TRPM3: variants seen among roughly 807,000 people sequenced by gnomAD.
The protein encoded by TRPM3 is transient receptor potential cation channel subfamily M member 3.
TRPM3 carries 77 observed loss-of-function variants against 181.2 expected under a neutral mutation model. The observed-to-expected ratio is 0.42, with a 90% CI of 0.35 to 0.51. TRPM3 has a LOEUF of 0.51. Ranked by LOEUF, TRPM3 falls within the 20% of genes least tolerant of loss-of-function variation. The pLI is 0.01. For missense variants in TRPM3, 1,759 were observed against 2,196.7 expected, an observed-to-expected ratio of 0.80 and a Z score of 3.98; for synonymous variants, 745 against 796.4, an observed-to-expected ratio of 0.94 and a Z score of 1.09.
At chr9:70,904,219 T>C (rs1313131907) in intron 1 of TRPM3, among the ~76,000 whole-genome samples, 1 of 152,002 alleles carries the variant, frequency 6.6e-6, no homozygotes, top group African/African-American at 2.4e-5. Context: ...TGAGACCCTG[T>C]CTCAAAAAAT....
intron 8 of TRPM3, among the ~76,000 whole-genome samples, chr9:70,759,638 G>GA (rs2077718100): frequency 6.6e-6 from 1 of 152,142 alleles, no homozygotes; most frequent in African/African-American, 2.4e-5. Context: ...ATACACCATG[G>GA]AATACTATGC....
intron 1 of TRPM3, among the ~76,000 whole-genome samples, chr9:71,241,197 G>A (rs979974717): frequency 2.6e-5 from 4 of 151,914 alleles, no homozygotes; most frequent in Admixed American, 6.6e-5. Context: ...TCAGGTAATC[G>A]CACACTCACC....
chr9:71,352,980 A>G (rs1325556337), intron 1 of TRPM3, among the ~76,000 whole-genome samples: 1 of 152,156 alleles, frequency 6.6e-6, no homozygotes, highest in East Asian at 1.9e-4. Flanking sequence ...CACTTTGTTC[A>G]TAATATAAAT....
chr9:70,990,298 C>G (rs551993565), intron 1 of TRPM3, among the ~76,000 whole-genome samples: 1 of 152,268 alleles, frequency 6.6e-6, no homozygotes, highest in African/African-American at 2.4e-5. Context: ...AACAATACAT[C>G]TAAAACCAGT....
intron 8 of TRPM3, among the ~76,000 whole-genome samples, chr9:70,740,319 G>T (rs998020492): frequency 6.6e-6 from 1 of 152,096 alleles, no homozygotes; most frequent in Non-Finnish European, 1.5e-5. Context: ...AGAAATCATA[G>T]ATGACACAAA....
At chr9:70,698,379 C>T (rs1181494086) in intron 8 of TRPM3, among the ~76,000 whole-genome samples, 1 of 152,040 alleles carries the variant, frequency 6.6e-6, no homozygotes, top group Non-Finnish European at 1.5e-5. Flanking sequence ...AAGTTCTTTG[C>T]CACCTCTAAA....
chr9:71,038,627 A>G (rs1401144257), intron 1 of TRPM3, among the ~76,000 whole-genome samples: 3 of 151,888 alleles, frequency 2.0e-5, no homozygotes, highest in African/African-American at 7.3e-5. Context: ...TCATTCATAT[A>G]TTTAACAATT....
chr9:71,237,469 G>A (rs2081424736), intron 1 of TRPM3, among the ~76,000 whole-genome samples: 1 of 152,132 alleles, frequency 6.6e-6, no homozygotes, highest in East Asian at 1.9e-4. Context: ...AAAAAAGGGT[G>A]TGGATAGCAA....
At chr9:70,565,696 G>T (rs1266974413) in intron 22 of TRPM3, among the ~76,000 whole-genome samples, 3 of 152,172 alleles carry the variant, frequency 2.0e-5, no homozygotes, top group Non-Finnish European at 4.4e-5. Flanking sequence ...GCACTTTGCT[G>T]TTCATCATTT....
At chr9:70,658,799 G>C (rs777354573) in intron 9 of TRPM3, among the ~76,000 whole-genome samples, 5 of 151,886 alleles carry the variant, frequency 3.3e-5, no homozygotes, top group Non-Finnish European at 1.5e-5. Context: ...CATCAGAATA[G>C]GGAAAAAACT....
intron 1 of TRPM3, among the ~76,000 whole-genome samples, chr9:71,100,358 T>C (rs550528477): frequency 6.6e-6 from 1 of 151,984 alleles, no homozygotes; most frequent in Admixed American, 6.6e-5. Flanking sequence ...AAATTAGAAG[T>C]AAAGGATGCT....
intron 8 of TRPM3, among the ~76,000 whole-genome samples, chr9:70,682,487 A>G (rs1220005131): frequency 6.6e-6 from 1 of 152,130 alleles, no homozygotes; most frequent in South Asian, 2.1e-4. Flanking sequence ...AGTCCATTAC[A>G]GTGTTGGTGG....
intron 1 of TRPM3, among the ~76,000 whole-genome samples, chr9:71,281,953 CGGG>C (rs2132198376): frequency 6.6e-6 from 1 of 152,026 alleles, no homozygotes; most frequent in African/African-American, 2.4e-5. Context: ...CCTGGCTACT[CGGG>C]AGGCTGAGGC....
intron 1 of TRPM3, among the ~76,000 whole-genome samples, chr9:71,080,633 C>T (rs1270859107): frequency 1.3e-5 from 2 of 152,124 alleles, no homozygotes; most frequent in African/African-American, 4.8e-5. Context: ...TCCTGGTCAT[C>T]CCCAACTCCA....
At chr9:70,936,166 T>C (rs1038394444) in intron 1 of TRPM3, among the ~76,000 whole-genome samples, 17 of 152,242 alleles carry the variant, frequency 1.1e-4, no homozygotes, top group Admixed American at 5.2e-4. Context: ...CTTGATTGCA[T>C]AACAAATGTA....
At chr9:70,700,174 G>T (rs1010912139) in intron 8 of TRPM3, among the ~76,000 whole-genome samples, 2 of 152,128 alleles carry the variant, frequency 1.3e-5, no homozygotes, top group Non-Finnish European at 2.9e-5. Flanking sequence ...GTAGAGAAGG[G>T]CTTTCACTAT....
chr9:70,742,331 A>G (rs2074306889), intron 8 of TRPM3, among the ~76,000 whole-genome samples: 3 of 152,124 alleles, frequency 2.0e-5, no homozygotes, highest in African/African-American at 7.2e-5. Context: ...ATATAACTAC[A>G]TATTTATGGG....
chr9:70,650,288 G>T (rs1456584263), intron 9 of TRPM3, among the ~76,000 whole-genome samples: 1 of 152,030 alleles, frequency 6.6e-6, no homozygotes, highest in African/African-American at 2.4e-5. Context: ...TAACAAACCT[G>T]GACATGTACC....
chr9:70,997,060 C>T (rs2097547127), intron 1 of TRPM3, among the ~76,000 whole-genome samples: 1 of 152,208 alleles, frequency 6.6e-6, no homozygotes, highest in African/African-American at 2.4e-5. Context: ...TTGTTGCTCG[C>T]ATCTTGAGAA....
Sources: allele counts gnomAD v4.1 joint callset (sites outside exome capture counted in the v4.1 genomes callset), GRCh38; gene constraint gnomAD v4.1.1; transcripts MANE v1.5; gene names NCBI Gene and HGNC (gene_info 2026-07-23, HGNC 2026-07-21).